MEIS2: variants seen among roughly 807,000 people sequenced by gnomAD.
MEIS2 encodes Meis homeobox 2, also known as homeobox protein Meis2.
MEIS2 carries 9 observed loss-of-function variants against 58.6 expected under a neutral mutation model. That is an observed-to-expected ratio of 0.15 (90% CI 0.09 to 0.27). MEIS2 has a LOEUF of 0.27. Ranked by LOEUF, MEIS2 falls within the 10% of genes least tolerant of loss-of-function variation. The probability of loss-of-function intolerance (pLI) is 1.00; values close to 1 mark genes in which losing one functional copy is unlikely to be tolerated. For missense variants in MEIS2, 427 were observed against 635.0 expected (o/e 0.67, Z 3.52); for synonymous variants, 221 against 228.4 (o/e 0.97, Z 0.29).
At chr15:37,004,438 C>T (rs938982632) in intron 8 of MEIS2, among the ~76,000 whole-genome samples, 2 of 152,200 alleles carry the variant, frequency 1.3e-5, no homozygotes, top group African/African-American at 4.8e-5. Context: ...TAGGCATTAT[C>T]AGCCAATTCT....
chr15:37,022,891 G>A (rs915101328), intron 8 of MEIS2, among the ~76,000 whole-genome samples: 14 of 152,034 alleles, frequency 9.2e-5, no homozygotes, highest in Non-Finnish European at 5.9e-5. Flanking sequence ...TCTTGACCTC[G>A]TGATACACCC....
chr15:36,940,521 C>G (rs1404095522), intron 9 of MEIS2, among the ~76,000 whole-genome samples: 1 of 152,008 alleles, frequency 6.6e-6, no homozygotes, highest in Admixed American at 6.6e-5. Flanking sequence ...TAGTGAACTC[C>G]AGTGTTTCTC....
At chr15:37,032,254 C>A (rs1257164335) in intron 8 of MEIS2, among the ~76,000 whole-genome samples, 1 of 152,120 alleles carries the variant, frequency 6.6e-6, no homozygotes, top group Non-Finnish European at 1.5e-5. Flanking sequence ...TGTGTATGAG[C>A]ACTTCCTGTT....
At chr15:36,952,096 G>C (rs1188998628) in intron 8 of MEIS2, among the ~76,000 whole-genome samples, 1 of 152,096 alleles carries the variant, frequency 6.6e-6, no homozygotes, top group Admixed American at 6.6e-5. Flanking sequence ...TCCAAACAAT[G>C]TAATTGTCCT....
intron 8 of MEIS2, among the ~76,000 whole-genome samples, chr15:36,965,040 C>T (rs1344896506): frequency 6.6e-6 from 1 of 152,062 alleles, no homozygotes; most frequent in East Asian, 1.9e-4. Context: ...ACGCAGGAAG[C>T]ATTTGTGACT....
rs377365587 is a variant in MEIS2 at position 36,972,455 on chromosome 15, A to T, written c.901-22055T>A. ...ACGAAAATGTTTATCATGGCCTTCA[A>T]GGTACCCAATGATCTGGTCTCGAAC... On this transcript the variant is annotated intron_variant, in intron 8 of 11. Coordinates refer to ENST00000561208, the MANE Select transcript of MEIS2 (RefSeq NM_170675.5). Among the ~76,000 whole-genome samples, 8 of 152,242 alleles carry T rather than the reference A, an allele frequency of 5.3e-5. 1 individual carries two copies. Among genetic ancestry groups the T allele is most frequent in the African/African-American group, 1.9e-4 (8 of 41,548 alleles).
At chr15:36,917,753 A>G (rs561810261) in intron 9 of MEIS2, among the ~76,000 whole-genome samples, 1 of 152,346 alleles carries the variant, frequency 6.6e-6, no homozygotes, top group Non-Finnish European at 1.5e-5. Flanking sequence ...TTCAGGGTCA[A>G]TGACAGAGGG....
chr15:36,983,060 G>C (rs2059980268), intron 8 of MEIS2, among the ~76,000 whole-genome samples: 1 of 152,048 alleles, frequency 6.6e-6, no homozygotes, highest in Admixed American at 6.6e-5. Flanking sequence ...CTCATCAGCT[G>C]TGTGGTTTGC....
At chr15:36,953,620 C>T (rs116532844) in intron 8 of MEIS2, among the ~76,000 whole-genome samples, 124 of 152,272 alleles carry the variant, frequency 8.1e-4, no homozygotes, top group African/African-American at 2.8e-3. Context: ...AACTTTTTCA[C>T]ATCTCGAAAG....
intron 9 of MEIS2, among the ~76,000 whole-genome samples, chr15:36,946,263 G>A (rs2058559942): frequency 6.6e-6 from 1 of 151,726 alleles, no homozygotes; most frequent in African/African-American, 2.4e-5. Context: ...AACCTTCTTT[G>A]TCTTTTGTCA....
Position 36,972,482 on chromosome 15 carries a change from C to T in MEIS2, c.901-22082G>A, listed in dbSNP as rs959799760. ...GTACCCAATGATCTGGTCTCGAACT[C>T]CTGACCTCAAGTGATCCGCCCACCT... On this transcript the variant is annotated intron_variant, in intron 8 of 11. Coordinates refer to ENST00000561208, the MANE Select transcript of MEIS2 (RefSeq NM_170675.5). 3.3e-5 allele frequency among the ~76,000 whole-genome samples: 5 copies of T among 152,136 alleles called. No individual in the cohort carries two copies. In the East Asian group the frequency reaches 9.7e-4, roughly 29 times the overall value.
At chr15:37,080,643 G>A (rs920892832) in intron 7 of MEIS2, among the ~76,000 whole-genome samples, 2 of 152,040 alleles carry the variant, frequency 1.3e-5, no homozygotes, top group African/African-American at 4.8e-5. Context: ...GACACAAAGA[G>A]GGCCAGTTAC....
At chr15:36,992,463 TTGG>T (rs1766445925) in intron 8 of MEIS2, among the ~76,000 whole-genome samples, 1 of 152,100 alleles carries the variant, frequency 6.6e-6, no homozygotes, top group South Asian at 2.1e-4. Context: ...AGAGTTTAAT[TTGG>T]TGATATAAAT....
chr15:37,071,294 C>A (rs1890674108), intron 7 of MEIS2, among the ~76,000 whole-genome samples: 1 of 152,068 alleles, frequency 6.6e-6, no homozygotes, highest in Non-Finnish European at 1.5e-5. Flanking sequence ...ATTACTGTAG[C>A]ACCAGGGGAA....
chr15:36,891,969 T>G lies in MEIS2; in HGVS notation c.*204A>C, dbSNP rs1389054149. 1 of 614,718 alleles carries G rather than the reference T, an allele frequency of 1.6e-6. No individual in the cohort carries two copies. The highest frequency in any genetic ancestry group is 2.9e-6 in the Non-Finnish European group (1 of 349,816). The allele number at this position is 614,718 out of a possible 1,614,324, so 38.1% of individuals were successfully genotyped here. A position where few individuals can be genotyped will look rare whatever the true frequency, so the allele number is the denominator to read the frequency against. ...AGTCTTTTTCCAGAGGATCTTTACA[T>G]GGACAGAATTGTCTCAGTCAGCCCA... On this transcript the variant is annotated 3_prime_UTR_variant, in exon 12 of 12. Transcript: ENST00000561208.
chr15:36,985,580 C>T (rs146088639), intron 8 of MEIS2, among the ~76,000 whole-genome samples: 113 of 152,204 alleles, frequency 7.4e-4, no homozygotes, highest in African/African-American at 2.5e-3. Context: ...ATTCACAGTC[C>T]GCACTGCCAA....
At chr15:36,917,134 A>G (rs1424460911) in intron 9 of MEIS2, among the ~76,000 whole-genome samples, 1 of 152,206 alleles carries the variant, frequency 6.6e-6, no homozygotes, top group Non-Finnish European at 1.5e-5. Context: ...ACCAACAGCA[A>G]CCGGATCACA....
At chr15:36,967,832 T>C (rs2059406852) in intron 8 of MEIS2, among the ~76,000 whole-genome samples, 1 of 152,218 alleles carries the variant, frequency 6.6e-6, no homozygotes, top group Non-Finnish European at 1.5e-5. Context: ...CCAGTCCCTC[T>C]ATACCTCTCC....
intron 9 of MEIS2, among the ~76,000 whole-genome samples, chr15:36,940,843 G>C (rs1490805223): frequency 3.9e-5 from 6 of 152,106 alleles, no homozygotes; most frequent in Admixed American, 2.6e-4. Context: ...ACTTGATGGG[G>C]TCATAGAATC....
Sources: gnomAD v4.1 joint callset for allele counts (sites outside exome capture counted in the v4.1 genomes callset) on GRCh38, gnomAD v4.1.1 for gene constraint, MANE v1.5 for transcripts, NCBI Gene and HGNC (gene_info 2026-07-23, HGNC 2026-07-21) for gene names.